The following KCNK9 variants were observed in gnomAD, a reference collection of about 807,000 sequenced individuals.
KCNK9 encodes the protein potassium two pore domain channel subfamily K member 9.
A neutral mutation model predicts 10.8 loss-of-function variants in KCNK9; 1 was observed. The observed-to-expected ratio is 0.09, with a 90% CI of 0.03 to 0.44. KCNK9 has a LOEUF of 0.44. Among genes scored for constraint, KCNK9 ranks in the 20% least tolerant of loss-of-function variants. The pLI, the probability that KCNK9 is intolerant of heterozygous loss-of-function variation, is 0.97. For synonymous variants in KCNK9, 231 were observed against 222.7 expected (o/e 1.04, Z -0.33); for missense variants, 303 against 515.0 (o/e 0.59, Z 3.98).
At chr8:139,613,855 C>G (rs568204471), downstream of KCNK9, among the ~76,000 whole-genome samples, 1 of 152,322 alleles carries the variant, frequency 6.6e-6, no homozygotes, top group South Asian at 2.1e-4. Context: ...GGGACAGACC[C>G]CAAGTCACTC....
intron 1 of KCNK9, among the ~76,000 whole-genome samples, chr8:139,665,364 T>C (rs991996367): frequency 2.0e-5 from 3 of 152,190 alleles, no homozygotes; most frequent in Admixed American, 1.3e-4. Context: ...AGAACTCTCC[T>C]GACTCTACCC....
Position 139,697,571 on chromosome 8 carries a change from C to T in KCNK9, c.283+5139G>A, listed in dbSNP as rs146890871. Among the ~76,000 whole-genome samples the T allele has an allele frequency of 8.4e-3, 1,281 of 151,944 alleles. 10 individuals are homozygous for T. Among genetic ancestry groups the T allele is most frequent in the Middle Eastern group, 0.014 (4 of 294 alleles). On this transcript the variant is annotated intron_variant, in intron 1 of 1. Transcript: ENST00000520439. ...ATGGAGAGATGGAGGTGTGAATAAC[C>T]GCTGCATGGAGGAAGAGGTGTATAC...
At chr8:139,681,338 G>A (rs530401236) in intron 1 of KCNK9, among the ~76,000 whole-genome samples, 1 of 152,348 alleles carries the variant, frequency 6.6e-6, no homozygotes, top group South Asian at 2.1e-4. Flanking sequence ...TGAAGAAACA[G>A]CAGAGTGGCC....
intron 1 of KCNK9, among the ~76,000 whole-genome samples, chr8:139,668,294 A>G (rs567066424): frequency 7.2e-5 from 11 of 152,270 alleles, no homozygotes; most frequent in South Asian, 6.2e-4. Flanking sequence ...GGGTTTACCT[A>G]TATAACAAAT....
chr8:139,669,031 C>T (rs575184605), intron 1 of KCNK9, among the ~76,000 whole-genome samples: 70 of 152,190 alleles, frequency 4.6e-4, no homozygotes, highest in Non-Finnish European at 8.1e-4. Context: ...GTTCTATTTA[C>T]ACTATACTGT....
At chr8:139,673,104 G>A (rs1310438232) in intron 1 of KCNK9, among the ~76,000 whole-genome samples, 3 of 152,208 alleles carry the variant, frequency 2.0e-5, no homozygotes, top group African/African-American at 7.2e-5. Flanking sequence ...GGAGCTAATT[G>A]CCCCCTTAGT....
intron 1 of KCNK9, among the ~76,000 whole-genome samples, chr8:139,698,780 A>T (rs1817126635): frequency 6.6e-6 from 1 of 152,248 alleles, no homozygotes; most frequent in African/African-American, 2.4e-5. Flanking sequence ...CCAGGAAAAA[A>T]AATGGAAAAT....
intron 1 of KCNK9, among the ~76,000 whole-genome samples, chr8:139,648,370 G>A (rs1375123890): frequency 1.3e-5 from 2 of 152,198 alleles, no homozygotes; most frequent in South Asian, 2.1e-4. Context: ...GACACTGAAT[G>A]TCCTAAATGC....
At chr8:139,682,840 C>T (rs576480135) in intron 1 of KCNK9, among the ~76,000 whole-genome samples, 4 of 152,110 alleles carry the variant, frequency 2.6e-5, no homozygotes, top group Admixed American at 6.5e-5. Context: ...CCCCCACACC[C>T]GCCCTTTAAA....
Position 139,702,782 on chromosome 8 carries a change from G to T in KCNK9, c.211C>A (p.Pro71Thr). 1 of 1,613,664 alleles carries T rather than the reference G, an allele frequency of 6.2e-7. No homozygotes were observed. Among genetic ancestry groups the T allele is most frequent in the Non-Finnish European group, 8.5e-7 (1 of 1,179,902 alleles). The change falls in exon 1 of 2, where the codon CCG (proline) becomes ACG (threonine). Residue 71 changes from proline (P) to threonine (T), a missense_variant. Transcript: ENST00000520439. This position sits in a 1 kb window ranked among gnomAD's most constrained non-coding sequence, Gnocchi z 7.5. The stretch of plus-strand genomic sequence containing the variant: ...TTCCACTGGACGCCGGCGCGGTGCG[G>T]TTCCGACTGCAGGATCACCAGCTCC... ...QLELVILQSEPHRAGVQWKFA... is the reference protein window; with the variant it reads ...QLELVILQSETHRAGVQWKFA...
At chr8:139,639,643 CAA>C (rs912239453) in intron 1 of KCNK9, among the ~76,000 whole-genome samples, 2 of 152,224 alleles carry the variant, frequency 1.3e-5, no homozygotes, top group Admixed American at 1.3e-4. Flanking sequence ...ACATGTGACA[CAA>C]GAAAAGGCTC....
At chr8:139,630,436 A>G (rs116061295) in intron 1 of KCNK9, among the ~76,000 whole-genome samples, 9,625 of 152,022 alleles carry the variant, frequency 0.063, 375 homozygotes, top group Middle Eastern at 0.16. Context: ...CTCCCGGAGG[A>G]TGCAGGCCTG....
chr8:139,620,362 G>T (rs1814740032), intron 1 of KCNK9, among the ~76,000 whole-genome samples: 1 of 152,128 alleles, frequency 6.6e-6, no homozygotes, highest in Admixed American at 6.5e-5. Flanking sequence ...TTTACCTTGG[G>T]TTCCATAAGT....
At chr8:139,681,810 C>T (rs1412282702) in intron 1 of KCNK9, among the ~76,000 whole-genome samples, 2 of 152,212 alleles carry the variant, frequency 1.3e-5, no homozygotes, top group African/African-American at 4.8e-5. Context: ...GGAAAGAAGA[C>T]GTCAGTGCGT....
rs1462884194 is a variant in KCNK9 at position 139,702,458 on chromosome 8, C to A, written c.283+252G>T. On this transcript the variant is annotated intron_variant, in intron 1 of 1. Transcript: ENST00000520439. The surrounding 1 kb of genome is among the most constrained non-coding windows in gnomAD (Gnocchi z 7.5). ...CCTCCGCCCTCCCGGCTCAGGCACACTCGCTCGGGGCTCGCACGCCCGGCC... is the reference window on the plus strand; with the variant it reads ...CCTCCGCCCTCCCGGCTCAGGCACAATCGCTCGGGGCTCGCACGCCCGGCC... Among the ~76,000 whole-genome samples, 12 of 152,206 alleles carry A rather than the reference C, an allele frequency of 7.9e-5. No individual in the cohort carries two copies. The highest frequency in any genetic ancestry group is 3.2e-3 in the Middle Eastern group (1 of 316).
intron 1 of KCNK9, among the ~76,000 whole-genome samples, chr8:139,674,906 C>A (rs1450693308): frequency 1.5e-4 from 23 of 152,064 alleles, no homozygotes; most frequent in Admixed American, 1.5e-3. Flanking sequence ...GGCTCTTCCT[C>A]CCCCCGAAGC....
chr8:139,630,373 T>G (rs962024122), intron 1 of KCNK9, among the ~76,000 whole-genome samples: 1 of 152,150 alleles, frequency 6.6e-6, no homozygotes, highest in African/African-American at 2.4e-5. Flanking sequence ...GGAAATGCTC[T>G]GCAGAGTCCT....
At chr8:139,619,160 G>A in intron 1 of KCNK9, 61 bp from the exon 2 acceptor site, 1 of 1,596,514 alleles carries the variant, frequency 6.3e-7, no homozygotes, top group Admixed American at 1.7e-5. Flanking sequence ...GAGGTTGGGG[G>A]AAGGGAGGGT....
intron 1 of KCNK9, among the ~76,000 whole-genome samples, chr8:139,635,937 ATTT>A (rs1815324756): frequency 6.6e-6 from 1 of 152,124 alleles, no homozygotes; most frequent in African/African-American, 2.4e-5. Flanking sequence ...CTTCATAAAC[ATTT>A]TTAATTCCTC....
Sources: gnomAD v4.1 joint callset for allele counts (sites outside exome capture counted in the v4.1 genomes callset) on GRCh38, gnomAD v4.1.1 for gene constraint, Gnocchi (gnomAD v3.1) non-coding constraint, MANE v1.5 for transcripts, NCBI Gene and HGNC (gene_info 2026-07-23, HGNC 2026-07-21) for gene names.